The following GATA4 variants were observed in gnomAD, a reference collection of about 807,000 sequenced individuals.
GATA4 encodes transcription factor GATA-4.
Under a neutral mutation model 37.9 loss-of-function variants are expected in GATA4, and 7 were observed. That is an observed-to-expected ratio of 0.18 (90% CI 0.11 to 0.35). The LOEUF is 0.35. GATA4 is among the 10% of genes least tolerant of loss of function. The probability of loss-of-function intolerance (pLI) is 1.00; values close to 1 mark genes in which losing one functional copy is unlikely to be tolerated. For missense variants in GATA4, 647 were observed against 653.0 expected, an observed-to-expected ratio of 0.99 and a Z score of 0.10; for synonymous variants, 372 against 292.6, an observed-to-expected ratio of 1.27 and a Z score of -2.77.
At chr8:11,751,446 A>G (rs1802298641) in intron 4 of GATA4, among the ~76,000 whole-genome samples, 1 of 152,192 alleles carries the variant, frequency 6.6e-6, no homozygotes, top group Non-Finnish European at 1.5e-5. Context: ...GGGTGCCTCC[A>G]GGAGAAAAAC....
intron 2 of GATA4, among the ~76,000 whole-genome samples, chr8:11,712,246 G>A (rs928362540): frequency 6.6e-6 from 1 of 152,228 alleles, no homozygotes; most frequent in African/African-American, 2.4e-5. Flanking sequence ...TTCCCAGAAT[G>A]TGGGATTGTT....
intron 1 of GATA4, among the ~76,000 whole-genome samples, chr8:11,687,209 T>A (rs1799165545): frequency 6.6e-6 from 1 of 152,176 alleles, no homozygotes; most frequent in African/African-American, 2.4e-5. Context: ...TAGCTAGGCA[T>A]TCTGGGATGG....
intron 1 of GATA4, chr8:11,697,774 T>C: frequency 1.0e-6 from 1 of 985,342 alleles, no homozygotes; most frequent in Non-Finnish European, 1.2e-6. Flanking sequence ...GGGCGTCTTC[T>C]CCAACTCCGG....
At chr8:11,729,314 AAT>A in intron 2 of GATA4, among the ~76,000 whole-genome samples, 1 of 152,322 alleles carries the variant, frequency 6.6e-6, no homozygotes, top group East Asian at 1.9e-4. Flanking sequence ...TCATGCCTGT[AAT>A]CCCAGCACTT....
chr8:11,721,107 A>T lies in GATA4; in HGVS notation c.616+12179A>T, dbSNP rs371664704. On this transcript the variant is annotated intron_variant, in intron 2 of 6. Coordinates refer to ENST00000532059, the MANE Select transcript of GATA4 (RefSeq NM_001308093.3). ...GCTTGCTAGGGGAGGGAACACGTGG[A>T]TGTGCACTCTTAGGGGCAGGGGATC... Among the ~76,000 whole-genome samples, 18 of 151,724 alleles carry T rather than the reference A, an allele frequency of 1.2e-4. No homozygotes were observed. In the East Asian group the frequency reaches 1.4e-3, roughly 12 times the overall value.
rs996236960 is a variant in GATA4, at chr8:11,699,091, G to A, written c.-728-1417G>A. 1.2e-4 allele frequency among the ~76,000 whole-genome samples: 18 copies of A among 152,200 alleles called. 1 individual carries two copies. Among genetic ancestry groups the A allele is most frequent in the African/African-American group, 4.1e-4 (17 of 41,444 alleles). ...ACCCAACACTTATTGAGCACCTACT[G>A]TAATCCTTGCTTTGGGCAGACCAGG... On this transcript the variant is annotated intron_variant, in intron 1 of 2. Coordinates refer to the GATA4 transcript ENST00000526974.
chr8:11,706,008 A>G (rs1252692162), intron 1 of GATA4: 1 of 152,250 alleles, frequency 6.6e-6, no homozygotes, highest in Non-Finnish European at 1.5e-5. Context: ...TGATTTTAAA[A>G]GTCAAATACT....
chr8:11,751,370 G>T (rs921375766), intron 4 of GATA4, among the ~76,000 whole-genome samples: 3 of 152,120 alleles, frequency 2.0e-5, no homozygotes, highest in African/African-American at 7.2e-5. Flanking sequence ...CACATATACA[G>T]AACACCTCTG....
chr8:11,750,064 T>G (rs376759459), intron 3 of GATA4, 47 bp from the exon 4 acceptor site: 1 of 1,613,532 alleles, frequency 6.2e-7, no homozygotes. Flanking sequence ...GGAAGGGCAG[T>G]GCACACCTTT....
chr8:11,678,572 G>A (rs921636629), intron 1 of GATA4, among the ~76,000 whole-genome samples: 4 of 152,212 alleles, frequency 2.6e-5, no homozygotes, highest in Non-Finnish European at 5.9e-5. Flanking sequence ...GCCAATCTGA[G>A]TTAAGGGAAA....
At chr8:11,715,124 A>G (rs1800380147) in intron 2 of GATA4, among the ~76,000 whole-genome samples, 1 of 152,240 alleles carries the variant, frequency 6.6e-6, no homozygotes, top group Non-Finnish European at 1.5e-5. Context: ...TATCTAATGT[A>G]TGGAATCCTC....
At chr8:11,702,512 G>A (rs1017235145), upstream of GATA4, among the ~76,000 whole-genome samples, 16 of 151,478 alleles carry the variant, frequency 1.1e-4, no homozygotes. The surrounding 1 kb of genome is among the most constrained non-coding windows in gnomAD (Gnocchi z 4.4). Flanking sequence ...CGGGAGCAGG[G>A]AGTCTGCTTC....
At chr8:11,715,839 T>C (rs1388300511) in intron 2 of GATA4, among the ~76,000 whole-genome samples, 1 of 152,176 alleles carries the variant, frequency 6.6e-6, no homozygotes, top group Admixed American at 6.5e-5. Context: ...TCTTTAGAAC[T>C]TAAACTCTGC....
chr8:11,682,023 G>A (rs1798988951), intron 1 of GATA4, among the ~76,000 whole-genome samples: 2 of 152,208 alleles, frequency 1.3e-5, no homozygotes, highest in African/African-American at 4.8e-5. Flanking sequence ...TGAATCAAAA[G>A]GCTTCTTGTC....
At chr8:11,682,399 C>A (rs1168204751) in intron 1 of GATA4, among the ~76,000 whole-genome samples, 1 of 152,118 alleles carries the variant, frequency 6.6e-6, no homozygotes, top group Non-Finnish European at 1.5e-5. Context: ...TAGAACAATT[C>A]GTCTTTTTTG....
At chr8:11,740,108 C>G (rs1423070660) in intron 2 of GATA4, among the ~76,000 whole-genome samples, 2 of 152,186 alleles carry the variant, frequency 1.3e-5, no homozygotes, top group African/African-American at 4.8e-5. Context: ...CTGGTTGTAT[C>G]TGAGCCTGAA....
intron 2 of GATA4, 114 bp from the exon 3 acceptor site, chr8:11,748,802 C>G: frequency 8.0e-7 from 1 of 1,251,276 alleles, no homozygotes; most frequent in Non-Finnish European, 1.2e-6. Context: ...GTGGTCTTCT[C>G]TTTCCAAGGA....
At chr8:11,742,934 G>A (rs372483604) in intron 2 of GATA4, among the ~76,000 whole-genome samples, 3 of 152,358 alleles carry the variant, frequency 2.0e-5, no homozygotes, top group South Asian at 2.1e-4. Context: ...CCCAGGGAAC[G>A]GTTTCTGGGC....
chr8:11,685,939 AG>A (rs1799120295), intron 1 of GATA4, among the ~76,000 whole-genome samples: 1 of 152,226 alleles, frequency 6.6e-6, no homozygotes, highest in African/African-American at 2.4e-5. Flanking sequence ...CCAAGAAGCC[AG>A]GTGTTCAGAA....
Sources: gnomAD v4.1 joint callset for allele counts (sites outside exome capture counted in the v4.1 genomes callset) on GRCh38, gnomAD v4.1.1 for gene constraint, Gnocchi (gnomAD v3.1) non-coding constraint, MANE v1.5 for transcripts, NCBI Gene and HGNC (gene_info 2026-07-23, HGNC 2026-07-21) for gene names.